Variants in KIF26B observed in about 807,000 individuals in gnomAD.
The protein encoded by KIF26B is kinesin-like protein KIF26B.
Under a neutral mutation model 151.2 loss-of-function variants are expected in KIF26B, and 63 were observed. The observed-to-expected ratio is 0.42, with a 90% CI of 0.34 to 0.51. The LOEUF (loss-of-function observed/expected upper bound fraction) is 0.51, where lower values mean the gene tolerates loss of function less well. Among genes scored for constraint, KIF26B ranks in the 20% least tolerant of loss-of-function variants. The pLI is 0.07. For synonymous variants in KIF26B, 1,357 were observed against 1,262.1 expected, an observed-to-expected ratio of 1.08 and a Z score of -1.59; for missense variants, 2,813 against 2,913.6, an observed-to-expected ratio of 0.97 and a Z score of 0.79.
At chr1:245,533,387 G>C (rs1026392320) in intron 4 of KIF26B, among the ~76,000 whole-genome samples, 2 of 152,056 alleles carry the variant, frequency 1.3e-5, no homozygotes, top group African/African-American at 4.8e-5. Flanking sequence ...CAATTACCTG[G>C]GTTGGATTTG....
At chr1:245,678,142 G>C (rs942657204) in intron 10 of KIF26B, among the ~76,000 whole-genome samples, 1 of 152,170 alleles carries the variant, frequency 6.6e-6, no homozygotes, top group South Asian at 2.1e-4. Flanking sequence ...CAGTGGTGAG[G>C]AGGATATTTG....
intron 2 of KIF26B, among the ~76,000 whole-genome samples, chr1:245,188,991 A>G (rs1013894192): frequency 3.3e-5 from 5 of 152,258 alleles, no homozygotes; most frequent in Non-Finnish European, 7.3e-5. Context: ...TACACGAGGT[A>G]CATAAAGTAA....
In KIF26B at chr1:245,540,480, T is replaced by C. The variant is rs770584553; in HGVS notation, c.1167-287T>C. The C allele has an allele frequency of 4.8e-6, 3 of 626,184 alleles. No individual in the cohort carries two copies. Among genetic ancestry groups the C allele is most frequent in the Admixed American group, 4.2e-5 (2 of 47,666 alleles). The allele number at this position is 626,184 out of a possible 1,614,324, so 38.8% of individuals were successfully genotyped here. On this transcript the variant is annotated intron_variant, in intron 4 of 14. Transcript: ENST00000407071. This position sits in a 1 kb window ranked among gnomAD's most constrained non-coding sequence, Gnocchi z 4.6. ...CCCCAAAGATGCCCAGCTTTGTTCCTGCTTAAGCTGAATGTTGGTGGATAA... is the reference window on the plus strand; with the variant it reads ...CCCCAAAGATGCCCAGCTTTGTTCCCGCTTAAGCTGAATGTTGGTGGATAA...
intron 2 of KIF26B, among the ~76,000 whole-genome samples, chr1:245,211,833 T>A (rs1193748728): frequency 6.6e-6 from 1 of 152,246 alleles, no homozygotes; most frequent in Non-Finnish European, 1.5e-5. Flanking sequence ...AGCACTTGTT[T>A]CCTTCTCAGT....
intron 4 of KIF26B, among the ~76,000 whole-genome samples, chr1:245,536,681 A>C (rs1661493109): frequency 6.6e-6 from 1 of 152,182 alleles, no homozygotes; most frequent in Admixed American, 6.5e-5. Context: ...GGTGTGATTT[A>C]TCTCTGTTCC....
At chr1:245,608,735 T>C (rs2043484283) in intron 7 of KIF26B, among the ~76,000 whole-genome samples, 1 of 152,076 alleles carries the variant, frequency 6.6e-6, no homozygotes, top group Non-Finnish European at 1.5e-5. Flanking sequence ...TTTAATCTTG[T>C]CACATGTCTG....
chr1:245,687,082 A>G lies in KIF26B; in HGVS notation c.4099A>G (p.Lys1367Glu), dbSNP rs1475426075. The G allele has an allele frequency of 6.2e-7, 1 of 1,613,504 alleles. No homozygotes were observed. Among genetic ancestry groups the G allele is most frequent in the Admixed American group, 1.7e-5 (1 of 59,996 alleles). ...AGGCTGCAAAATATCCACAGTGAGC[A>G]AGGCCATGGTCACCATCTCCAACAC... is the stretch of plus-strand genomic sequence containing the variant. ...IKGCKISTVS[K>E]AMVTISNTAN... The change falls in exon 12 of 15, where the codon AAG becomes GAG. Residue 1367 changes from lysine to glutamate, a missense_variant. Lys to Glu is a moderately conservative substitution (Grantham distance 56). Coordinates refer to ENST00000407071, the MANE Select transcript of KIF26B (RefSeq NM_018012.4). This position sits in a 1 kb window ranked among gnomAD's most constrained non-coding sequence, Gnocchi z 4.9.
At chr1:245,671,751 G>A (rs1162669374) in intron 10 of KIF26B, among the ~76,000 whole-genome samples, 1 of 152,208 alleles carries the variant, frequency 6.6e-6, no homozygotes, top group African/African-American at 2.4e-5. Context: ...AGGATTAGTA[G>A]TGGATGATAA....
chr1:245,687,542 T>G lies in KIF26B; in HGVS notation c.4559T>G (p.Leu1520Trp), dbSNP rs567736167. The change falls in exon 12 of 15, where the codon TTG becomes TGG. Residue 1520 changes from leucine to tryptophan, a missense_variant. Physicochemically the swap from Leu to Trp is moderately conservative, Grantham distance 61 (BLOSUM62 -2). Around this residue, in one of 3 missense-constraint regions of KIF26B, gnomAD observed 2,060 missense variants for 2,088.6 expected, o/e 0.99. Coordinates refer to ENST00000407071, the MANE Select transcript of KIF26B (RefSeq NM_018012.4). The surrounding 1 kb of genome is among the most constrained non-coding windows in gnomAD (Gnocchi z 4.9). ...GGGTGTGAGATGGCCCTGCCCGGTT[T>G]GGCCACCCAGAGCCCCGTGCATCCC... ...VDGCEMALPG[L>W]ATQSPVHPNK... 11 of 1,568,588 alleles carry G rather than the reference T, an allele frequency of 7.0e-6. No homozygotes were observed. The highest frequency in any genetic ancestry group is 9.5e-6 in the Non-Finnish European group (11 of 1,157,176).
intron 10 of KIF26B, among the ~76,000 whole-genome samples, chr1:245,661,171 G>C (rs1311173273): frequency 6.6e-6 from 1 of 151,944 alleles, no homozygotes; most frequent in Non-Finnish European, 1.5e-5. Flanking sequence ...ATTTTTAGTA[G>C]AGATGGGGTT....
chr1:245,383,762 G>C (rs1673471703), intron 3 of KIF26B, among the ~76,000 whole-genome samples: 1 of 152,152 alleles, frequency 6.6e-6, no homozygotes, highest in Admixed American at 6.5e-5. Context: ...GATGAACGGT[G>C]GTTGCTGGTG....
At chr1:245,337,474 G>A (rs995357003) in intron 2 of KIF26B, among the ~76,000 whole-genome samples, 5 of 151,818 alleles carry the variant, frequency 3.3e-5, no homozygotes, top group African/African-American at 1.2e-4. Flanking sequence ...GAGCCACCAC[G>A]CCTGGCCATT....
rs138058152 is a variant in KIF26B at position 245,217,217 on chromosome 1, A to G, written c.465+60534A>G. ...TAAAACAACAACAATGACAAGAACAACAAAAACCTCCACCCAATTTAGCAG... is the reference window on the plus strand; with the variant it reads ...TAAAACAACAACAATGACAAGAACAGCAAAAACCTCCACCCAATTTAGCAG... On this transcript the variant is annotated intron_variant, in intron 2 of 14. Transcript: ENST00000407071. Among the ~76,000 whole-genome samples, 807 of 152,348 alleles carry G rather than the reference A, an allele frequency of 5.3e-3. 9 individuals carry two copies. The highest frequency in any genetic ancestry group is 0.018 in the African/African-American group (752 of 41,578).
intron 10 of KIF26B, among the ~76,000 whole-genome samples, chr1:245,659,449 G>C (rs1003999706): frequency 6.6e-6 from 1 of 152,114 alleles, no homozygotes; most frequent in Non-Finnish European, 1.5e-5. Flanking sequence ...ATCTAAACTA[G>C]GATAAAGTAT....
chr1:245,211,312 A>G (rs1238519804), intron 2 of KIF26B, among the ~76,000 whole-genome samples: 1 of 152,122 alleles, frequency 6.6e-6, no homozygotes, highest in African/African-American at 2.4e-5. Flanking sequence ...CAAAAGACTC[A>G]CCATCCAAAG....
At chr1:245,573,790 T>G (rs973894405) in intron 5 of KIF26B, among the ~76,000 whole-genome samples, 1 of 152,048 alleles carries the variant, frequency 6.6e-6, no homozygotes, top group African/African-American at 2.4e-5. Context: ...CCGAGCCCTG[T>G]ATGTGCTGTT....
At chr1:245,583,720 A>G (rs1451329020) in intron 5 of KIF26B, among the ~76,000 whole-genome samples, 1 of 152,152 alleles carries the variant, frequency 6.6e-6, no homozygotes, top group Non-Finnish European at 1.5e-5. Context: ...CCTGGGTTAC[A>G]TCACCACCTC....
At chr1:245,509,306 AGAAAAGTTTCCAAGAGGATGAGACTTTT>A (rs1187904583) in intron 4 of KIF26B, among the ~76,000 whole-genome samples, 2 of 152,222 alleles carry the variant, frequency 1.3e-5, no homozygotes, top group East Asian at 1.9e-4. Flanking sequence ...TGGGAGAGTT[AGAAAAGTTTCCAAGAGGATGAGACTTTT>A]GAAAAGTTTC....
intron 3 of KIF26B, among the ~76,000 whole-genome samples, chr1:245,412,779 A>G (rs1447982382): frequency 6.6e-6 from 1 of 152,204 alleles, no homozygotes; most frequent in African/African-American, 2.4e-5. Context: ...AAAAGTTAAA[A>G]TAGAAGGAGA....
Sources: allele counts gnomAD v4.1 joint callset (sites outside exome capture counted in the v4.1 genomes callset), GRCh38; gene constraint gnomAD v4.1.1; regional missense constraint gnomAD v4.1.1; non-coding constraint Gnocchi (gnomAD v3.1); transcripts MANE v1.5; gene names NCBI Gene and HGNC (gene_info 2026-07-23, HGNC 2026-07-21).